APC: variants seen among roughly 807,000 people sequenced by gnomAD.
APC encodes APC regulator of Wnt signaling pathway, also known as adenomatous polyposis coli protein.
A neutral mutation model predicts 247.0 loss-of-function variants in APC; 72 were observed. The observed-to-expected ratio is 0.29, with a 90% CI of 0.24 to 0.35. The LOEUF (loss-of-function observed/expected upper bound fraction) is 0.35, where lower values mean the gene tolerates loss of function less well. APC is among the 10% of genes least tolerant of loss of function. The probability of loss-of-function intolerance (pLI) is 1.00; values close to 1 mark genes in which losing one functional copy is unlikely to be tolerated. For missense variants in APC, 3,400 were observed against 3,360.7 expected (o/e 1.01, Z -0.29); for synonymous variants, 1,254 against 1,162.5 (o/e 1.08, Z -1.60).
chr5:112,836,084 A>G (rs1312235408), intron 15 of APC, among the ~76,000 whole-genome samples: 1 of 117,986 alleles, frequency 8.5e-6, no homozygotes. Flanking sequence ...ACAGTGGCAC[A>G]ATCTTTGCTC....
intron 1 of APC, among the ~76,000 whole-genome samples, chr5:112,711,813 C>G (rs946520455): frequency 1.3e-5 from 2 of 152,210 alleles, no homozygotes; most frequent in South Asian, 2.1e-4. Flanking sequence ...GTCATGTCAT[C>G]AGGGCTAAGC....
chr5:112,712,016 G>C (rs1455948419), intron 1 of APC, among the ~76,000 whole-genome samples: 2 of 152,146 alleles, frequency 1.3e-5, no homozygotes, highest in Non-Finnish European at 2.9e-5. Flanking sequence ...AACAAACATA[G>C]ATCATGCTGC....
intron 14 of APC, 143 bp downstream of exon 14, chr5:112,829,115 T>G: frequency 3.1e-6 from 2 of 649,140 alleles, no homozygotes; most frequent in East Asian, 5.8e-5. Context: ...TAGCTTTTTT[T>G]GCTGCCTTCT....
At chr5:112,806,723 C>G (rs1187797073) in intron 8 of APC, among the ~76,000 whole-genome samples, 1 of 152,096 alleles carries the variant, frequency 6.6e-6, no homozygotes, top group Non-Finnish European at 1.5e-5. Context: ...ACCACAGGTG[C>G]ACACCACTGT....
chr5:112,842,710 G>A lies in APC; in HGVS notation c.7116G>A (p.Gln2372=), dbSNP rs1372802539. The A allele has an allele frequency of 6.2e-7, 1 of 1,613,792 alleles. No individual in the cohort carries two copies. The change falls in exon 16 of 16, where the codon CAG becomes CAA. Residue 2372 remains glutamine (Q), a synonymous_variant. Coordinates refer to ENST00000257430, the MANE Select transcript of APC (RefSeq NM_000038.6). ...TGTCATATACATCTCCAGGTAGACA[G>A]ATGAGCCAACAGAACCTTACCAAAC... ...GKMSYTSPGR[Q]MSQQNLTKQT...
intron 9 of APC, among the ~76,000 whole-genome samples, chr5:112,816,725 G>A (rs765971935): frequency 1.3e-4 from 20 of 151,318 alleles, no homozygotes; most frequent in Admixed American, 2.6e-4. Context: ...CCTGGGAGGC[G>A]GAGGTTGCAG....
chr5:112,781,340 T>C (rs1374132103), intron 6 of APC, among the ~76,000 whole-genome samples: 3 of 152,310 alleles, frequency 2.0e-5, no homozygotes, highest in African/African-American at 7.2e-5. Flanking sequence ...ATGAAGTAAG[T>C]TGTATGGAGA....
chr5:112,772,565 G>A (rs940907131), intron 4 of APC, among the ~76,000 whole-genome samples: 4 of 149,768 alleles, frequency 2.7e-5, no homozygotes, highest in Non-Finnish European at 5.9e-5. Context: ...CACCTAGGCT[G>A]GAGTGCAGTG....
intron 9 of APC, 150 bp from the exon 10 acceptor site, chr5:112,818,816 A>G: frequency 1.2e-6 from 1 of 847,812 alleles, no homozygotes; most frequent in Non-Finnish European, 1.9e-6. Context: ...TCATCCTGGA[A>G]AGGTTTTCCG....
intron 2 of APC, among the ~76,000 whole-genome samples, chr5:112,759,112 A>G (rs1189206612): frequency 3.3e-5 from 5 of 152,214 alleles, no homozygotes; most frequent in Non-Finnish European, 7.4e-5. Context: ...CATGTAAAGT[A>G]TATCTTTTCA....
chr5:112,768,664 C>T (rs966093509), intron 4 of APC, among the ~76,000 whole-genome samples: 11 of 152,122 alleles, frequency 7.2e-5, no homozygotes, highest in South Asian at 2.1e-4. Context: ...CATTCACTGT[C>T]TACCATCTAG....
intron 6 of APC, among the ~76,000 whole-genome samples, chr5:112,789,567 A>G (rs1759343747): frequency 6.6e-6 from 1 of 152,074 alleles, no homozygotes; most frequent in Non-Finnish European, 1.5e-5. Context: ...ATAATTTCCT[A>G]TTTTCATCCT....
intron 14 of APC, among the ~76,000 whole-genome samples, chr5:112,830,113 G>A (rs990651516): frequency 2.0e-5 from 3 of 151,706 alleles, no homozygotes; most frequent in South Asian, 2.1e-4. Flanking sequence ...GTTTAGTTAT[G>A]CATTTTTGGT....
intron 5 of APC, among the ~76,000 whole-genome samples, chr5:112,776,424 C>T (rs1757657944): frequency 6.6e-6 from 1 of 152,224 alleles, no homozygotes; most frequent in Non-Finnish European, 1.5e-5. Context: ...CGATTTATGA[C>T]AGCAGGTCCT....
At chr5:112,819,824 G>C (rs999700703) in intron 10 of APC, among the ~76,000 whole-genome samples, 1 of 152,122 alleles carries the variant, frequency 6.6e-6, no homozygotes, top group South Asian at 2.1e-4. Flanking sequence ...AGGAAGGGAA[G>C]GTATTATCAT....
At chr5:112,709,673 G>A (rs1400093083) in intron 1 of APC, among the ~76,000 whole-genome samples, 2 of 152,256 alleles carry the variant, frequency 1.3e-5, no homozygotes, top group Admixed American at 6.5e-5. Flanking sequence ...AGGCCAAAGC[G>A]CATGGATCGC....
chr5:112,744,603 A>T (rs919072402), intron 1 of APC, among the ~76,000 whole-genome samples: 1 of 152,228 alleles, frequency 6.6e-6, no homozygotes, highest in Non-Finnish European at 1.5e-5. Flanking sequence ...TTTGTGTAAG[A>T]AACTGAGCTG....
chr5:112,843,865 G>A lies in APC; in HGVS notation c.8271G>A (p.Val2757=), dbSNP rs1356289612. 1 of 1,613,992 alleles carries A rather than the reference G, an allele frequency of 6.2e-7. No homozygotes were observed. Among genetic ancestry groups the A allele is most frequent in the Non-Finnish European group, 8.5e-7 (1 of 1,179,904 alleles). ...CAGAGACTAATGAAAGTTCTATAGTGGAACGTACCCCATTCAGTTCTAGCA... is the reference window on the plus strand; with the variant it reads ...CAGAGACTAATGAAAGTTCTATAGTAGAACGTACCCCATTCAGTTCTAGCA... The part of the protein sequence containing the change: ...PVSETNESSI[V]ERTPFSSSSS... The change falls in exon 16 of 16, where the codon GTG becomes GTA. Residue 2757 remains valine (V), a synonymous_variant. Transcript: ENST00000257430. This position sits in a 1 kb window ranked among gnomAD's most constrained non-coding sequence, Gnocchi z 4.8.
chr5:112,835,365 T>A (rs1251745319), intron 15 of APC, among the ~76,000 whole-genome samples, 200 bp downstream of exon 15: 1 of 152,130 alleles, frequency 6.6e-6, no homozygotes, highest in Non-Finnish European at 1.5e-5. Flanking sequence ...TAGAGGAGAC[T>A]AAATTAAGCA....
Sources: allele counts gnomAD v4.1 joint callset (sites outside exome capture counted in the v4.1 genomes callset), GRCh38; gene constraint gnomAD v4.1.1; non-coding constraint Gnocchi (gnomAD v3.1); transcripts MANE v1.5; gene names NCBI Gene and HGNC (gene_info 2026-07-23, HGNC 2026-07-21).